Variants in MRTFB observed in about 807,000 individuals in gnomAD.
The protein encoded by MRTFB is myocardin-related transcription factor B.
MRTFB carries 29 observed loss-of-function variants against 104.2 expected under a neutral mutation model. The observed-to-expected ratio is 0.28, with a 90% CI of 0.21 to 0.38. MRTFB has a LOEUF of 0.38. MRTFB is among the 10% of genes least tolerant of loss of function. The probability of loss-of-function intolerance (pLI) is 1.00; values close to 1 mark genes in which losing one functional copy is unlikely to be tolerated. For synonymous variants in MRTFB, 535 were observed against 519.5 expected, an observed-to-expected ratio of 1.03 and a Z score of -0.41; for missense variants, 1,270 against 1,341.6, an observed-to-expected ratio of 0.95 and a Z score of 0.83.
chr16:14,013,605 G>A, the MRTFB span: 1 of 152,206 alleles, frequency 6.6e-6, no homozygotes, highest in Admixed American at 6.5e-5. Context: ...CAGCAACAGC[G>A]AACGTTTGTT....
the MRTFB span, among the ~76,000 whole-genome samples, chr16:14,030,926 A>T: frequency 6.6e-6 from 1 of 152,212 alleles, no homozygotes; most frequent in African/African-American, 2.4e-5. Context: ...GTGATTCTCA[A>T]CTGGGGGCTC....
intron 3 of MRTFB, among the ~76,000 whole-genome samples, chr16:14,147,017 A>G (rs2038353604): frequency 6.6e-6 from 1 of 152,248 alleles, no homozygotes; most frequent in African/African-American, 2.4e-5. Context: ...AACTGGAAGT[A>G]TTAGAAATGA....
intron 9 of MRTFB, 89 bp downstream of exon 9, chr16:14,234,372 A>T: frequency 6.9e-7 from 1 of 1,453,300 alleles, no homozygotes; most frequent in Non-Finnish European, 9.2e-7. Flanking sequence ...GCATTTATCC[A>T]ACTTGCTCAG....
intron 8 of MRTFB, among the ~76,000 whole-genome samples, chr16:14,230,890 C>T (rs1298916947): frequency 2.0e-5 from 3 of 151,064 alleles, no homozygotes; most frequent in Non-Finnish European, 4.4e-5. Context: ...ACCCAAATGT[C>T]CAACAATGAT....
chr16:14,227,333 C>G (rs1444650332), intron 8 of MRTFB, among the ~76,000 whole-genome samples: 1 of 152,074 alleles, frequency 6.6e-6, no homozygotes, highest in Non-Finnish European at 1.5e-5. Flanking sequence ...CCTCCCCGCT[C>G]TCTCTTGCTT....
chr16:14,175,372 A>G (rs1160155487), intron 3 of MRTFB, among the ~76,000 whole-genome samples: 1 of 152,194 alleles, frequency 6.6e-6, no homozygotes, highest in East Asian at 1.9e-4. Context: ...GGAATCATAC[A>G]TGGTATGTGT....
chr16:14,058,424 TCTTCCTCATGAGCCGGGCAATGTACCC>T, the MRTFB span, among the ~76,000 whole-genome samples: 2 of 129,474 alleles, frequency 1.5e-5, no homozygotes, highest in South Asian at 3.0e-4. Context: ...TTAGTCCAAT[TCTTCCTCATGAGCCGGGCAATGTACCC>T]AAGTTTGTTG....
At chr16:14,139,621 T>G (rs965688513) in intron 2 of MRTFB, among the ~76,000 whole-genome samples, 1 of 152,350 alleles carries the variant, frequency 6.6e-6, no homozygotes, top group Admixed American at 6.5e-5. Flanking sequence ...TATTTACCAT[T>G]TGGATATTTG....
intron 8 of MRTFB, among the ~76,000 whole-genome samples, chr16:14,226,024 T>C (rs1289855962): frequency 6.6e-6 from 1 of 152,108 alleles, no homozygotes; most frequent in Non-Finnish European, 1.5e-5. Context: ...CTCTTGGCCA[T>C]GCGACAGGCT....
intron 6 of MRTFB, among the ~76,000 whole-genome samples, chr16:14,214,198 T>G (rs2041318399): frequency 6.6e-6 from 1 of 152,162 alleles, no homozygotes; most frequent in Non-Finnish European, 1.5e-5. Context: ...CCAGGATGTT[T>G]TTCTCTCTAA....
the MRTFB span, among the ~76,000 whole-genome samples, chr16:14,031,284 A>G: frequency 0.017 from 2,630 of 152,056 alleles, 88 homozygotes; most frequent in African/African-American, 0.06. Flanking sequence ...CCAGCTGCTC[A>G]GGAGGCTAAG....
chr16:14,183,221 A>C (rs946586956), intron 3 of MRTFB, among the ~76,000 whole-genome samples: 1 of 152,204 alleles, frequency 6.6e-6, no homozygotes, highest in Non-Finnish European at 1.5e-5. Context: ...ATTCCTGTTG[A>C]AAATGTATCA....
At chr16:14,231,793 T>G (rs2042280588) in intron 8 of MRTFB, among the ~76,000 whole-genome samples, 1 of 152,176 alleles carries the variant, frequency 6.6e-6, no homozygotes, top group Non-Finnish European at 1.5e-5. Flanking sequence ...CTTGATACGG[T>G]CTAAGTGGGG....
chr16:14,258,034 C>G lies in MRTFB; in HGVS notation c.2704-67C>G, dbSNP rs572166386. 2.2e-5 allele frequency: 30 copies of G among 1,347,604 alleles called. No individual in the cohort carries two copies. In the Admixed American group the frequency reaches 4.1e-4, roughly 18 times the overall value. 83.5% of individuals were successfully genotyped at this position (1,347,604 alleles called of 1,614,324 possible). On this transcript the variant is annotated intron_variant, in intron 15 of 16. Transcript: ENST00000571589. ...AAATCATCTAGAAAGTCCCTTAGGA[C>G]TGCTAATTATATAATGCTTCCAGGT...
chr16:14,099,057 G>A (rs2035550407), intron 2 of MRTFB, among the ~76,000 whole-genome samples: 1 of 152,080 alleles, frequency 6.6e-6, no homozygotes, highest in Non-Finnish European at 1.5e-5. Context: ...GAGCTATTCT[G>A]GGTCCTTTGC....
At chr16:14,102,133 A>G (rs2035734780) in intron 2 of MRTFB, among the ~76,000 whole-genome samples, 1 of 152,160 alleles carries the variant, frequency 6.6e-6, no homozygotes, top group Admixed American at 6.5e-5. Context: ...TTAAAGAAAA[A>G]TAAAGTGCAA....
intron 2 of MRTFB, among the ~76,000 whole-genome samples, chr16:14,090,386 G>T (rs113989078): frequency 2.6e-5 from 4 of 152,168 alleles, no homozygotes; most frequent in African/African-American, 9.7e-5. Context: ...TTTTAAATCA[G>T]AAAGATGTCT....
At chr16:14,119,625 G>T (rs1335751320) in intron 2 of MRTFB, among the ~76,000 whole-genome samples, 1 of 152,148 alleles carries the variant, frequency 6.6e-6, no homozygotes, top group East Asian at 1.9e-4. Context: ...TTTTGTAAGG[G>T]TTAGAGTAGA....
chr16:14,167,405 G>A (rs2142967417), intron 3 of MRTFB, among the ~76,000 whole-genome samples: 1 of 151,802 alleles, frequency 6.6e-6, no homozygotes, highest in Admixed American at 6.5e-5. Context: ...CTGGATATTA[G>A]ACCTTTTCCA....
Sources: allele counts gnomAD v4.1 joint callset (sites outside exome capture counted in the v4.1 genomes callset), GRCh38; gene constraint gnomAD v4.1.1; transcripts MANE v1.5; gene names NCBI Gene and HGNC (gene_info 2026-07-23, HGNC 2026-07-21).